The following GHR variants were observed in gnomAD, a reference collection of about 807,000 sequenced individuals.
GHR encodes growth hormone receptor.
GHR carries 35 observed loss-of-function variants against 67.1 expected under a neutral mutation model. That is an observed-to-expected ratio of 0.52 (90% CI 0.40 to 0.69). The LOEUF (loss-of-function observed/expected upper bound fraction) is 0.69, where lower values mean the gene tolerates loss of function less well. GHR is among the 30% of genes least tolerant of loss of function. GHR has a pLI of 0.00. For missense variants in GHR, 792 were observed against 764.6 expected (o/e 1.04, Z -0.42); for synonymous variants, 272 against 269.1 (o/e 1.01, Z -0.10).
At chr5:42,462,788 C>T (rs1579742995) in intron 1 of GHR, among the ~76,000 whole-genome samples, 1 of 151,788 alleles carries the variant, frequency 6.6e-6, no homozygotes, top group African/African-American at 2.4e-5. Context: ...TCAGCACTTC[C>T]TATTGCATAG....
In GHR at chr5:42,718,476, C is replaced by T; in HGVS notation, c.969C>T (p.Asn323=). The T allele has an allele frequency of 6.2e-7, 1 of 1,610,730 alleles. No individual in the cohort carries two copies. The highest frequency in any genetic ancestry group is 8.5e-7 in the Non-Finnish European group (1 of 1,177,026). Residue 323 remains asparagine (N), a synonymous_variant, in exon 10 of 10, where the codon AAC becomes AAT. Coordinates refer to ENST00000230882, the MANE Select transcript of GHR (RefSeq NM_000163.5). ...LLKEGKLEEV[N]TILAIHDSYK... ...AGGAAGGAAAATTAGAGGAGGTGAA[C>T]ACAATCTTAGCCATTCATGATAGCT...
chr5:42,448,059 G>A (rs935631417), intron 1 of GHR, among the ~76,000 whole-genome samples: 15 of 151,978 alleles, frequency 9.9e-5, no homozygotes, highest in South Asian at 2.1e-4. Flanking sequence ...ACCATGCCCC[G>A]CACAAGTGTC....
At chr5:42,523,778 T>C (rs1207756701) in intron 1 of GHR, among the ~76,000 whole-genome samples, 1 of 152,154 alleles carries the variant, frequency 6.6e-6, no homozygotes, top group African/African-American at 2.4e-5. Flanking sequence ...AGAATTTCCA[T>C]GTGTTATGGG....
At chr5:42,622,304 C>G (rs1043492621) in intron 2 of GHR, among the ~76,000 whole-genome samples, 2 of 152,192 alleles carry the variant, frequency 1.3e-5, no homozygotes, top group Admixed American at 6.5e-5. Flanking sequence ...TCAGCATGTA[C>G]TTTATCAAGT....
intron 3 of GHR, among the ~76,000 whole-genome samples, chr5:42,651,815 C>T (rs1322330511): frequency 1.3e-5 from 2 of 151,986 alleles, no homozygotes; most frequent in Admixed American, 6.6e-5. Flanking sequence ...AGTATATTCA[C>T]CTCACTCTCG....
chr5:42,720,062 A>G lies in GHR; in HGVS notation c.*638A>G, dbSNP rs1341635543. ...GACCCCTCTAAGGAGTGTAGCAACT[A>G]CAGTCTAAAGCTGGTTTAATGTTTT... is the stretch of plus-strand genomic sequence containing the variant. On this transcript the variant is annotated 3_prime_UTR_variant, in exon 10 of 10. Transcript: ENST00000230882. The G allele has an allele frequency of 6.5e-6, 1 of 155,012 alleles. No individual in the cohort carries two copies. The highest frequency in any genetic ancestry group is 1.4e-5 in the Non-Finnish European group (1 of 70,000). 9.6% of individuals were successfully genotyped at this position (155,012 alleles called of 1,614,324 possible).
intron 2 of GHR, among the ~76,000 whole-genome samples, chr5:42,583,851 A>G (rs1407782883): frequency 6.7e-6 from 1 of 150,098 alleles, no homozygotes; most frequent in Non-Finnish European, 1.5e-5. Context: ...CTTGCAAAAA[A>G]TAAAGATATA....
At chr5:42,583,898 A>ATATATATATATAT (rs1452845926) in intron 2 of GHR, among the ~76,000 whole-genome samples, 1 of 145,692 alleles carries the variant, frequency 6.9e-6, no homozygotes, top group Non-Finnish European at 1.5e-5. Context: ...TATATATATA[A>ATATATATATATAT]ATTCTTACAG....
intron 1 of GHR, among the ~76,000 whole-genome samples, chr5:42,549,309 A>T (rs544385208): frequency 6.6e-6 from 1 of 152,332 alleles, no homozygotes; most frequent in South Asian, 2.1e-4. Flanking sequence ...CACCTCTTTG[A>T]AAACCGTGTC....
chr5:42,573,948 GA>G (rs59560856), intron 2 of GHR, among the ~76,000 whole-genome samples: 51,612 of 151,984 alleles, frequency 0.34, 10,605 homozygotes, highest in African/African-American at 0.57. Context: ...AATATTAACG[GA>G]TTCACCTTAG....
At chr5:42,525,789 TC>T (rs1747682156) in intron 1 of GHR, among the ~76,000 whole-genome samples, 1 of 152,308 alleles carries the variant, frequency 6.6e-6, no homozygotes, top group South Asian at 2.1e-4. Flanking sequence ...TGCATAAGTC[TC>T]CTGAGATCTG....
intron 1 of GHR, among the ~76,000 whole-genome samples, chr5:42,504,474 G>A (rs531932568): frequency 1.3e-5 from 2 of 152,186 alleles, no homozygotes; most frequent in East Asian, 3.9e-4. Flanking sequence ...AAGGTATGAA[G>A]TCTTGGCCAG....
chr5:42,683,226 T>A (rs1204998442), intron 3 of GHR, among the ~76,000 whole-genome samples: 1 of 152,128 alleles, frequency 6.6e-6, no homozygotes, highest in African/African-American at 2.4e-5. Flanking sequence ...GGTCTCGATC[T>A]CGTGACCTCA....
At position 42,670,877 on chromosome 5, in the gene GHR, A is replaced by AT. The variant is rs1169052918; in HGVS notation, c.137-18013_137-18012insT. Among the ~76,000 whole-genome samples the AT allele has an allele frequency of 4.9e-3, 443 of 90,522 alleles. 1 individual carries two copies. The highest frequency in any genetic ancestry group is 0.031 in the East Asian group (70 of 2,238). The allele number at this position is 90,522 out of a possible 152,430, so 59.4% of individuals were successfully genotyped here. On this transcript the variant is annotated intron_variant, in intron 3 of 9. Coordinates refer to ENST00000230882, the MANE Select transcript of GHR (RefSeq NM_000163.5). ...AAAAAGCAAAAATTAAAAAAAAAAAAAAAATATATATATATATATAGGCAA... is the reference window on the plus strand; with the variant it reads ...AAAAAGCAAAAATTAAAAAAAAAAAATAAAATATATATATATATATAGGCAA...
At chr5:42,680,814 AT>A (rs2111585538) in intron 3 of GHR, among the ~76,000 whole-genome samples, 1 of 151,066 alleles carries the variant, frequency 6.6e-6, no homozygotes, top group South Asian at 2.1e-4. Flanking sequence ...CCCAAACATG[AT>A]TTTTTGATTG....
At chr5:42,437,155 G>C (rs529869199) in intron 1 of GHR, among the ~76,000 whole-genome samples, 1 of 152,308 alleles carries the variant, frequency 6.6e-6, no homozygotes, top group East Asian at 1.9e-4. Context: ...GAAGGAATAA[G>C]CTGGGATTGG....
chr5:42,507,491 A>G (rs937554998), intron 1 of GHR, among the ~76,000 whole-genome samples: 3 of 152,248 alleles, frequency 2.0e-5, no homozygotes, highest in Non-Finnish European at 4.4e-5. Flanking sequence ...TAGCAGCTTC[A>G]GTACTCAAGT....
At chr5:42,474,329 G>GAAAGAAAGAAAGAAAGAAAGA (rs1252314518) in intron 1 of GHR, among the ~76,000 whole-genome samples, 1 of 146,422 alleles carries the variant, frequency 6.8e-6, no homozygotes, top group South Asian at 2.1e-4. Flanking sequence ...AAGAAAGAAA[G>GAAAGAAAGAAAGAAAGAAAGA]AAAGAAAGAA....
chr5:42,514,463 G>A (rs1231583273), intron 1 of GHR: 3 of 240,530 alleles, frequency 1.2e-5, no homozygotes, highest in Admixed American at 7.8e-5. Flanking sequence ...TGCATAAATG[G>A]TTCTAGATTT....
Sources: allele counts gnomAD v4.1 joint callset (sites outside exome capture counted in the v4.1 genomes callset), GRCh38; gene constraint gnomAD v4.1.1; transcripts MANE v1.5; gene names NCBI Gene and HGNC (gene_info 2026-07-23, HGNC 2026-07-21).